Variants in NEK11 observed in about 807,000 individuals in gnomAD.
NEK11 encodes the protein NIMA related kinase 11, also known as serine/threonine-protein kinase Nek11.
A neutral mutation model predicts 80.7 loss-of-function variants in NEK11; 72 were observed. The ratio of observed to expected loss-of-function variants is 0.89; its 90% CI spans 0.74 to 1.08. The LOEUF (loss-of-function observed/expected upper bound fraction) is 1.08. Among genes scored for constraint, NEK11 ranks in the 50% least tolerant of loss-of-function variants. The pLI, the probability that NEK11 is intolerant of heterozygous loss-of-function variation, is 0.00. For synonymous variants in NEK11, 251 were observed against 260.7 expected, an observed-to-expected ratio of 0.96 and a Z score of 0.36; for missense variants, 764 against 763.6, an observed-to-expected ratio of 1.00 and a Z score of -0.01.
intron 7 of NEK11, among the ~76,000 whole-genome samples, chr3:131,148,945 AT>A (rs770561381): frequency 6.6e-6 from 1 of 151,974 alleles, no homozygotes; most frequent in Non-Finnish European, 1.5e-5. Context: ...AATCTAGGTT[AT>A]TGAGATATTC....
chr3:131,257,862 ATACT>A (rs1328596913), intron 16 of NEK11, among the ~76,000 whole-genome samples: 4 of 152,190 alleles, frequency 2.6e-5, no homozygotes, highest in Admixed American at 6.5e-5. Context: ...ATGAAAAAAG[ATACT>A]TACACATGCA....
Position 131,133,918 on chromosome 3 carries a change from T to G in NEK11, c.609T>G (p.Ala203=), listed in dbSNP as rs1338670110. The change falls in exon 7 of 18, where the codon GCT becomes GCG. Residue 203 remains alanine (A), a synonymous_variant. Coordinates refer to ENST00000383366, the MANE Select transcript of NEK11 (RefSeq NM_024800.5). ...CTCCCCATTATATGAGTCCTGAGGC[T>G]CTGAAACACCAAGGCTATGACACAA... ...TGTPHYMSPE[A]LKHQGYDTKS... 1 of 1,611,856 alleles carries G rather than the reference T, an allele frequency of 6.2e-7. No individual in the cohort carries two copies. The highest frequency in any genetic ancestry group is 8.5e-7 in the Non-Finnish European group (1 of 1,178,686).
chr3:131,247,059 T>C (rs1228464816), intron 16 of NEK11, among the ~76,000 whole-genome samples: 1 of 152,162 alleles, frequency 6.6e-6, no homozygotes, highest in Non-Finnish European at 1.5e-5. Flanking sequence ...TTTCTTCCAC[T>C]CTGTGGGTTG....
At chr3:131,069,584 C>T (rs1192363818) in intron 3 of NEK11, among the ~76,000 whole-genome samples, 1 of 151,772 alleles carries the variant, frequency 6.6e-6, no homozygotes, top group Non-Finnish European at 1.5e-5. Context: ...ACCCAAATGT[C>T]CAACAATGAT....
chr3:131,231,134 C>T (rs993202282), intron 15 of NEK11, among the ~76,000 whole-genome samples: 1 of 151,972 alleles, frequency 6.6e-6, no homozygotes, highest in African/African-American at 2.4e-5. Context: ...TAAATACAGC[C>T]TCTCACATAC....
chr3:131,110,750 A>G (rs977106837), intron 5 of NEK11, among the ~76,000 whole-genome samples: 14 of 152,138 alleles, frequency 9.2e-5, no homozygotes, highest in South Asian at 4.1e-4. Flanking sequence ...AGGTCTAACT[A>G]TCCGTGGATG....
chr3:131,090,620 AAAGT>A (rs1168967906), intron 4 of NEK11, among the ~76,000 whole-genome samples: 5 of 152,268 alleles, frequency 3.3e-5, no homozygotes, highest in African/African-American at 1.2e-4. Context: ...TTAGAGAAAG[AAAGT>A]AATGCTTTTC....
intron 3 of NEK11, among the ~76,000 whole-genome samples, chr3:131,034,766 C>T (rs1267432480): frequency 2.6e-5 from 4 of 152,198 alleles, no homozygotes; most frequent in Non-Finnish European, 5.9e-5. Flanking sequence ...GCCTAGCCTT[C>T]AGGTGCTTCC....
intron 7 of NEK11, among the ~76,000 whole-genome samples, chr3:131,150,614 T>C (rs1209982331): frequency 6.6e-6 from 1 of 152,058 alleles, no homozygotes; most frequent in African/African-American, 2.4e-5. Context: ...GAGCAGAATA[T>C]ACCTTTTTTC....
chr3:131,119,329 G>C (rs564349543), intron 5 of NEK11, among the ~76,000 whole-genome samples: 2 of 152,294 alleles, frequency 1.3e-5, no homozygotes, highest in Non-Finnish European at 2.9e-5. Flanking sequence ...ACGGTGGTCT[G>C]AGAGACAGTT....
rs552179472 is a variant in NEK11, at chr3:131,037,257, CTGTAGTAATTAGATA to C, written c.170+7380_170+7394del. Among the ~76,000 whole-genome samples the C allele has an allele frequency of 4.5e-3, 677 of 150,912 alleles. 15 individuals are homozygous for C. The South Asian group carries it at 0.059, about 13-fold the overall frequency. On this transcript the variant is annotated intron_variant, in intron 3 of 17. Transcript: ENST00000383366. ...TTTGTGAGTTACAGCTACATTTGCA[CTGTAGTAATTAGATA>C]AAAAGAACTTCATCCATTTTTTTTT... is the stretch of plus-strand genomic sequence containing the variant.
chr3:131,151,843 A>G (rs979647326), intron 7 of NEK11, among the ~76,000 whole-genome samples: 1 of 152,122 alleles, frequency 6.6e-6, no homozygotes, highest in Non-Finnish European at 1.5e-5. Flanking sequence ...GGAGAATTAT[A>G]CATTTTAATG....
chr3:131,066,508 T>C (rs1447137682), intron 3 of NEK11, among the ~76,000 whole-genome samples: 2 of 151,914 alleles, frequency 1.3e-5, no homozygotes, highest in East Asian at 1.9e-4. Flanking sequence ...CAGCATCCCA[T>C]AGGGGTGAGA....
intron 9 of NEK11, among the ~76,000 whole-genome samples, chr3:131,153,085 CA>C (rs1171397234): frequency 3.9e-5 from 6 of 152,032 alleles, no homozygotes; most frequent in Non-Finnish European, 8.8e-5. Flanking sequence ...GACTCTGTCT[CA>C]AAAATAAATA....
At chr3:131,104,521 C>G (rs1392477975) in intron 4 of NEK11, among the ~76,000 whole-genome samples, 1 of 152,086 alleles carries the variant, frequency 6.6e-6, no homozygotes, top group Non-Finnish European at 1.5e-5. Context: ...TGTCAGTTGC[C>G]TCTGGGAGCT....
intron 3 of NEK11, among the ~76,000 whole-genome samples, chr3:131,078,545 A>C (rs1010719425): frequency 2.6e-5 from 4 of 152,154 alleles, no homozygotes; most frequent in African/African-American, 9.7e-5. Context: ...GCAATATCAA[A>C]ACTTCTAGAC....
chr3:131,240,568 T>G (rs1025134980), intron 15 of NEK11, among the ~76,000 whole-genome samples: 1 of 152,172 alleles, frequency 6.6e-6, no homozygotes, highest in African/African-American at 2.4e-5. Flanking sequence ...AGGGTTTTAT[T>G]TTTGAAAACA....
At chr3:131,145,554 T>G (rs2088003059) in intron 7 of NEK11, among the ~76,000 whole-genome samples, 1 of 152,136 alleles carries the variant, frequency 6.6e-6, no homozygotes, top group Non-Finnish European at 1.5e-5. Context: ...TTTTTAAAAG[T>G]GAATTAAGGT....
intron 17 of NEK11, among the ~76,000 whole-genome samples, chr3:131,308,486 G>A (rs779941393): frequency 2.2e-4 from 34 of 152,136 alleles, no homozygotes; most frequent in Non-Finnish European, 4.7e-4. Flanking sequence ...GGGGGCAGAG[G>A]ACAAGAGTAA....
Sources: gnomAD v4.1 joint callset for allele counts (sites outside exome capture counted in the v4.1 genomes callset) on GRCh38, gnomAD v4.1.1 for gene constraint, MANE v1.5 for transcripts, NCBI Gene and HGNC (gene_info 2026-07-23, HGNC 2026-07-21) for gene names.